Variants in CSMD1 observed in about 807,000 individuals in gnomAD.
CSMD1 encodes the protein CUB and sushi domain-containing protein 1.
Under a neutral mutation model 417.5 loss-of-function variants are expected in CSMD1, and 213 were observed. That is an observed-to-expected ratio of 0.51 (90% confidence interval 0.46 to 0.57). The LOEUF (loss-of-function observed/expected upper bound fraction) is 0.57. Among genes scored for constraint, CSMD1 ranks in the 20% least tolerant of loss-of-function variants. The pLI is 0.00. For missense variants in CSMD1, 6,923 were observed against 4,529.7 expected (o/e 1.53, Z -15.17); for synonymous variants, 2,862 against 1,736.8 (o/e 1.65, Z -16.11).
intron 1 of CSMD1, among the ~76,000 whole-genome samples, chr8:4,962,971 A>T (rs1809607189): frequency 6.6e-6 from 1 of 152,134 alleles, no homozygotes; most frequent in African/African-American, 2.4e-5. Context: ...TGGGAAAAGG[A>T]TCGAAGAATC....
chr8:4,285,936 G>C (rs1041729782), intron 3 of CSMD1, among the ~76,000 whole-genome samples: 1 of 152,054 alleles, frequency 6.6e-6, no homozygotes, highest in African/African-American at 2.4e-5. Context: ...CTTTTAAGTG[G>C]CTATGATATA....
At position 4,634,984 on chromosome 8, in the gene CSMD1, G is replaced by T. The variant is rs559922959; in HGVS notation, c.302+2358C>A. Reference sequence around the variant, plus strand: ...ACTCCTCGAACGTCTCCTCAAAATGGCATTCTACGTATGCGGATAGGAGGA... The same window carrying T: ...ACTCCTCGAACGTCTCCTCAAAATGTCATTCTACGTATGCGGATAGGAGGA... On this transcript the variant is annotated intron_variant, in intron 2 of 69. Coordinates refer to ENST00000635120, the MANE Select transcript of CSMD1 (RefSeq NM_033225.6). Among the ~76,000 whole-genome samples, 21 of 152,244 alleles carry T rather than the reference G, an allele frequency of 1.4e-4. No homozygotes were observed. The South Asian group carries it at 3.7e-3, about 27-fold the overall frequency.
At chr8:3,899,811 C>T (rs971783336) in intron 5 of CSMD1, among the ~76,000 whole-genome samples, 1 of 152,158 alleles carries the variant, frequency 6.6e-6, no homozygotes, top group South Asian at 2.1e-4. Flanking sequence ...GGATAGCACC[C>T]TTCAGTATGA....
intron 3 of CSMD1, 49 bp from the exon 4 acceptor site, chr8:4,032,148 G>A (rs761428811): frequency 3.5e-6 from 5 of 1,420,292 alleles, no homozygotes; most frequent in African/African-American, 1.4e-5. Context: ...AATTTTCCAT[G>A]GAGAGCCACT....
At chr8:4,489,105 T>C (rs1801568841) in intron 2 of CSMD1, among the ~76,000 whole-genome samples, 1 of 151,998 alleles carries the variant, frequency 6.6e-6, no homozygotes, top group African/African-American at 2.4e-5. Flanking sequence ...AGAGACGGGG[T>C]TTCACCATGT....
At chr8:4,796,762 C>G (rs2117261433) in intron 1 of CSMD1, among the ~76,000 whole-genome samples, 1 of 152,326 alleles carries the variant, frequency 6.6e-6, no homozygotes, top group Admixed American at 6.5e-5. Flanking sequence ...GAGCCGAATT[C>G]AGTCCCCTTC....
intron 26 of CSMD1, among the ~76,000 whole-genome samples, chr8:3,283,599 C>T (rs999324786): frequency 1.3e-5 from 2 of 152,134 alleles, no homozygotes; most frequent in East Asian, 1.9e-4. Flanking sequence ...GCCACTCCAG[C>T]CTCTACTTGC....
At chr8:3,665,252 G>T (rs1180928829) in intron 7 of CSMD1, among the ~76,000 whole-genome samples, 1 of 152,136 alleles carries the variant, frequency 6.6e-6, no homozygotes, top group Non-Finnish European at 1.5e-5. Context: ...CAGGCACAGT[G>T]GCTCACATCT....
chr8:3,490,315 G>C lies in CSMD1; in HGVS notation c.1448+3308C>G, dbSNP rs368060360. Reference sequence around the variant, plus strand: ...GAGAGAAGGCGCTAATAACACTTCTGTCAATGTAATACATAGTTTGCAATT... The same window carrying C: ...GAGAGAAGGCGCTAATAACACTTCTCTCAATGTAATACATAGTTTGCAATT... On this transcript the variant is annotated intron_variant, in intron 11 of 69. Transcript: ENST00000635120. 5.3e-5 allele frequency among the ~76,000 whole-genome samples: 8 copies of C among 152,258 alleles called. No homozygotes were observed. In the East Asian group the frequency reaches 1.4e-3, roughly 26 times the overall value.
At chr8:3,555,849 A>G (rs1799119889) in intron 10 of CSMD1, among the ~76,000 whole-genome samples, 1 of 152,140 alleles carries the variant, frequency 6.6e-6, no homozygotes, top group Non-Finnish European at 1.5e-5. Flanking sequence ...TTTCTATGAA[A>G]TATACATAGT....
At chr8:4,197,567 G>A (rs1051373329) in intron 3 of CSMD1, among the ~76,000 whole-genome samples, 4 of 152,106 alleles carry the variant, frequency 2.6e-5, no homozygotes, top group Admixed American at 2.0e-4. Context: ...TATTTCTTTG[G>A]AGAGCCCTGG....
chr8:3,692,609 T>G (rs1800313836), intron 7 of CSMD1, among the ~76,000 whole-genome samples: 1 of 152,046 alleles, frequency 6.6e-6, no homozygotes. Context: ...ATTTTTGTAT[T>G]TTTCGTAGAG....
intron 3 of CSMD1, among the ~76,000 whole-genome samples, chr8:4,244,241 C>T (rs770790151): frequency 1.3e-5 from 2 of 152,144 alleles, no homozygotes; most frequent in Non-Finnish European, 2.9e-5. Flanking sequence ...AGGCTTGAAA[C>T]GTTCCACAGA....
chr8:3,551,098 A>C (rs1264969246), intron 10 of CSMD1, among the ~76,000 whole-genome samples: 1 of 152,196 alleles, frequency 6.6e-6, no homozygotes. Context: ...GTAGCAGTTA[A>C]GAGAGTAGAC....
At chr8:4,401,774 C>A (rs1044792100) in intron 3 of CSMD1, among the ~76,000 whole-genome samples, 12 of 152,162 alleles carry the variant, frequency 7.9e-5, no homozygotes, top group African/African-American at 2.7e-4. Flanking sequence ...ATAGTCCCCG[C>A]AGCCCTGTCC....
rs192045812 is a variant in CSMD1, at chr8:3,077,881, C to A, written c.7474+9216G>T. Among the ~76,000 whole-genome samples, 112 of 152,328 alleles carry A rather than the reference C, an allele frequency of 7.4e-4. 1 individual carries two copies. In the South Asian group the frequency reaches 8.7e-3, roughly 12 times the overall value. On this transcript the variant is annotated intron_variant, in intron 49 of 69. Transcript: ENST00000635120. The stretch of plus-strand genomic sequence containing the variant: ...ACAGGGCATTTCACTGTCTTTACTC[C>A]TCTTTGCCTTTTACTGATTTAGGAG...
intron 10 of CSMD1, among the ~76,000 whole-genome samples, chr8:3,506,287 G>A (rs1796824060): frequency 6.6e-6 from 1 of 152,188 alleles, no homozygotes; most frequent in Admixed American, 6.5e-5. Flanking sequence ...CACTACTTAA[G>A]TGCCTCAGAT....
chr8:4,198,057 C>A (rs377265403), intron 3 of CSMD1, among the ~76,000 whole-genome samples: 1 of 152,130 alleles, frequency 6.6e-6, no homozygotes, highest in African/African-American at 2.4e-5. Context: ...TTATGCTCAG[C>A]GATTATCAAA....
intron 1 of CSMD1, among the ~76,000 whole-genome samples, chr8:4,816,447 C>G (rs1005715087): frequency 6.6e-6 from 1 of 152,032 alleles, no homozygotes; most frequent in Non-Finnish European, 1.5e-5. Flanking sequence ...AGGCTCGTCC[C>G]AAACTCCTGA....
Sources: gnomAD v4.1 joint callset for allele counts (sites outside exome capture counted in the v4.1 genomes callset) on GRCh38, gnomAD v4.1.1 for gene constraint, MANE v1.5 for transcripts, NCBI Gene and HGNC (gene_info 2026-07-23, HGNC 2026-07-21) for gene names.